The following DLGAP2 variants were observed in gnomAD, a reference collection of about 807,000 sequenced individuals.
DLGAP2 encodes disks large-associated protein 2.
DLGAP2 carries 26 observed loss-of-function variants against 100.3 expected under a neutral mutation model. That is an observed-to-expected ratio of 0.26 (90% CI 0.19 to 0.36). The LOEUF is 0.36. DLGAP2 is among the 10% of genes least tolerant of loss of function. The pLI, the probability that DLGAP2 is intolerant of heterozygous loss-of-function variation, is 1.00. For missense variants in DLGAP2, 1,858 were observed against 1,453.2 expected (o/e 1.28, Z -4.53); for synonymous variants, 886 against 630.1 (o/e 1.41, Z -6.08).
intron 2 of DLGAP2, among the ~76,000 whole-genome samples, chr8:1,000,208 T>G (rs1045896891): frequency 1.3e-5 from 2 of 151,156 alleles, no homozygotes; most frequent in Non-Finnish European, 3.0e-5. Flanking sequence ...TGCACTGGAT[T>G]TTCTCTAGAG....
At chr8:1,493,302 G>C (rs528029110) in intron 3 of DLGAP2, among the ~76,000 whole-genome samples, 1 of 151,940 alleles carries the variant, frequency 6.6e-6, no homozygotes, top group Non-Finnish European at 1.5e-5. Context: ...GGGCACAGAC[G>C]GCTGCCTCCA....
chr8:1,047,728 GACTCT>G (rs1216604114), intron 2 of DLGAP2, among the ~76,000 whole-genome samples: 2 of 151,860 alleles, frequency 1.3e-5, no homozygotes, highest in African/African-American at 4.8e-5. Context: ...TTTTTTTAAG[GACTCT>G]ACTCTCATTC....
chr8:1,171,027 A>G (rs1488001096), intron 2 of DLGAP2, among the ~76,000 whole-genome samples: 2 of 151,846 alleles, frequency 1.3e-5, no homozygotes, highest in Admixed American at 6.6e-5. Flanking sequence ...ATTTAGTGCT[A>G]TAAATTTCCC....
intron 1 of DLGAP2, among the ~76,000 whole-genome samples, chr8:757,870 T>C (rs1820959191): frequency 6.6e-6 from 1 of 152,202 alleles, no homozygotes; most frequent in Non-Finnish European, 1.5e-5. Flanking sequence ...GGGGCACGTG[T>C]AGCAGGCATT....
intron 1 of DLGAP2, among the ~76,000 whole-genome samples, chr8:759,784 T>C (rs1386725788): frequency 6.6e-6 from 1 of 152,198 alleles, no homozygotes; most frequent in African/African-American, 2.4e-5. Flanking sequence ...TCTTCCCCTC[T>C]CTCGATAGAA....
At chr8:1,138,317 C>A (rs961809455) in intron 2 of DLGAP2, among the ~76,000 whole-genome samples, 1 of 152,194 alleles carries the variant, frequency 6.6e-6, no homozygotes, top group South Asian at 2.1e-4. Context: ...TGTCTGCATG[C>A]CGATGAAGAC....
chr8:1,522,380 A>T (rs574204472), intron 4 of DLGAP2, among the ~76,000 whole-genome samples: 3 of 152,342 alleles, frequency 2.0e-5, no homozygotes, highest in Admixed American at 2.0e-4. Context: ...GCAGGTGTGC[A>T]GCAGCCGGGG....
chr8:789,858 C>T (rs1821980936), intron 1 of DLGAP2, among the ~76,000 whole-genome samples: 1 of 152,098 alleles, frequency 6.6e-6, no homozygotes, highest in Non-Finnish European at 1.5e-5. Flanking sequence ...AGTGGTATTG[C>T]CCTGTGTAAT....
intron 2 of DLGAP2, among the ~76,000 whole-genome samples, chr8:1,068,302 C>T (rs1585030286): frequency 1.3e-5 from 2 of 152,320 alleles, no homozygotes; most frequent in East Asian, 1.9e-4. Context: ...GTTTCCAGCT[C>T]ATCTGGGTAA....
At chr8:857,719 T>G (rs1057381087) in intron 1 of DLGAP2, among the ~76,000 whole-genome samples, 4 of 152,140 alleles carry the variant, frequency 2.6e-5, no homozygotes, top group African/African-American at 9.7e-5. Context: ...ACTCTCATCC[T>G]CACTGTGGGG....
At chr8:1,279,054 G>A (rs1279479915) in intron 3 of DLGAP2, among the ~76,000 whole-genome samples, 1 of 152,174 alleles carries the variant, frequency 6.6e-6, no homozygotes, top group Non-Finnish European at 1.5e-5. Flanking sequence ...ACCCCAGGGG[G>A]TGTGCTTTAA....
chr8:1,209,251 A>G (rs1262158348), intron 2 of DLGAP2, among the ~76,000 whole-genome samples: 2 of 152,228 alleles, frequency 1.3e-5, no homozygotes, highest in African/African-American at 4.8e-5. Flanking sequence ...ACTTCAAACT[A>G]TACTATAAGG....
At chr8:1,107,997 C>A (rs1192110484) in intron 2 of DLGAP2, among the ~76,000 whole-genome samples, 3 of 152,146 alleles carry the variant, frequency 2.0e-5, no homozygotes, top group East Asian at 1.9e-4. Context: ...AGAGAATAGT[C>A]GTAGTTGAGC....
intron 2 of DLGAP2, among the ~76,000 whole-genome samples, chr8:1,135,510 T>TTG (rs1554490368): frequency 1.5e-5 from 2 of 132,586 alleles, no homozygotes; most frequent in East Asian, 4.1e-4. Flanking sequence ...TGGGTTTTTT[T>TTG]TTTTTTTTTT....
chr8:1,271,966 A>T (rs1799592536), intron 3 of DLGAP2, among the ~76,000 whole-genome samples: 1 of 152,100 alleles, frequency 6.6e-6, no homozygotes, highest in Non-Finnish European at 1.5e-5. Flanking sequence ...GTGTGCCAAC[A>T]CACCCAGCTA....
intron 4 of DLGAP2, among the ~76,000 whole-genome samples, chr8:1,509,526 A>C (rs1360725226): frequency 6.6e-6 from 1 of 151,986 alleles, no homozygotes; most frequent in East Asian, 1.9e-4. Flanking sequence ...CCTTGCAGCC[A>C]TCAGGGTGGT....
intron 11 of DLGAP2, 117 bp from the exon 12 acceptor site, chr8:1,678,097 C>T: frequency 8.5e-7 from 1 of 1,177,078 alleles, no homozygotes; most frequent in Non-Finnish European, 1.2e-6. Flanking sequence ...CACTACCTGC[C>T]CTTGAGCCGC....
intron 4 of DLGAP2, among the ~76,000 whole-genome samples, chr8:1,508,704 A>G (rs1159595567): frequency 3.3e-5 from 5 of 150,154 alleles, no homozygotes; most frequent in African/African-American, 1.2e-4. Flanking sequence ...GGAATCCACA[A>G]CTGCTGCGCA....
intron 1 of DLGAP2, among the ~76,000 whole-genome samples, chr8:811,959 A>G (rs956710878): frequency 6.6e-6 from 1 of 152,240 alleles, no homozygotes; most frequent in Non-Finnish European, 1.5e-5. Flanking sequence ...TCTCCGTCAA[A>G]CACGACATGA....
Sources: gnomAD v4.1 joint callset for allele counts (sites outside exome capture counted in the v4.1 genomes callset) on GRCh38, gnomAD v4.1.1 for gene constraint, MANE v1.5 for transcripts, NCBI Gene and HGNC (gene_info 2026-07-23, HGNC 2026-07-21) for gene names.